MTUS2: variants seen among roughly 807,000 people sequenced by gnomAD.
MTUS2 encodes the protein microtubule associated scaffold protein 2.
MTUS2 carries 40 observed loss-of-function variants against 114.1 expected under a neutral mutation model. The observed-to-expected ratio is 0.35, with a 90% CI of 0.27 to 0.46. MTUS2 has a LOEUF of 0.46. Among genes scored for constraint, MTUS2 ranks in the 20% least tolerant of loss-of-function variants. The probability of loss-of-function intolerance (pLI) is 1.00; values close to 1 mark genes in which losing one functional copy is unlikely to be tolerated. For missense variants in MTUS2, 1,679 were observed against 1,705.4 expected (o/e 0.98, Z 0.27); for synonymous variants, 688 against 672.0 (o/e 1.02, Z -0.37).
At chr13:28,922,621 A>T (rs1261743345) in intron 2 of MTUS2, among the ~76,000 whole-genome samples, 1 of 152,114 alleles carries the variant, frequency 6.6e-6, no homozygotes, top group Non-Finnish European at 1.5e-5. Context: ...CATTGAGTTC[A>T]GTTTAATGTC....
At chr13:28,854,656 T>G (rs553389448) in intron 2 of MTUS2, among the ~76,000 whole-genome samples, 1 of 152,368 alleles carries the variant, frequency 6.6e-6, no homozygotes, top group East Asian at 1.9e-4. Flanking sequence ...AAAAGTTCCT[T>G]TGGTTTATCA....
At chr13:28,828,021 G>A (rs746532713) in intron 1 of MTUS2, among the ~76,000 whole-genome samples, 14 of 152,128 alleles carry the variant, frequency 9.2e-5, no homozygotes, top group African/African-American at 1.9e-4. Flanking sequence ...GAATTTCCTC[G>A]TCTTAATAAG....
chr13:28,980,805 G>A (rs1038432900), intron 2 of MTUS2, among the ~76,000 whole-genome samples: 1 of 152,064 alleles, frequency 6.6e-6, no homozygotes, highest in South Asian at 2.1e-4. Context: ...ACAGAATTTT[G>A]CTTTCTCACC....
rs566885680 is a variant in MTUS2 at position 28,943,574 on chromosome 13, C to T, written c.-242-80883C>T. 1.1e-4 allele frequency among the ~76,000 whole-genome samples: 16 copies of T among 152,186 alleles called. No homozygotes were observed. In the East Asian group the frequency reaches 2.7e-3, roughly 26 times the overall value. The stretch of plus-strand genomic sequence containing the variant: ...TCTGGACATTGTTGGGCAGGGCAGG[C>T]GATGGGTGACAGAGGTGGGCATTGC... On this transcript the variant is annotated intron_variant, in intron 2 of 15. Coordinates refer to ENST00000612955, the MANE Select transcript of MTUS2 (RefSeq NM_001033602.4).
At chr13:28,832,625 A>G (rs1019440901) in intron 1 of MTUS2, among the ~76,000 whole-genome samples, 10 of 148,818 alleles carry the variant, frequency 6.7e-5, no homozygotes, top group Non-Finnish European at 1.2e-4. Context: ...AGTATGCTAA[A>G]TATATAAATA....
chr13:28,893,471 A>G (rs893065972), intron 2 of MTUS2, among the ~76,000 whole-genome samples: 6 of 152,200 alleles, frequency 3.9e-5, no homozygotes, highest in African/African-American at 7.2e-5. Context: ...AGGTAAAGCC[A>G]TTGGTCAACT....
At position 29,495,390 on chromosome 13, in the gene MTUS2, T is replaced by C. The variant is rs537955922; in HGVS notation, c.3580-1848T>C. Reference sequence around the variant, plus strand: ...AAAAAAAAAAAAAAAAGGAAGTAACTGGAAAAGAGAACAAAAAAGAGGAAA... The same window carrying C: ...AAAAAAAAAAAAAAAAGGAAGTAACCGGAAAAGAGAACAAAAAAGAGGAAA... On this transcript the variant is annotated intron_variant, in intron 12 of 15. Coordinates refer to ENST00000612955, the MANE Select transcript of MTUS2 (RefSeq NM_001033602.4). Among the ~76,000 whole-genome samples, 13 of 136,378 alleles carry C rather than the reference T, an allele frequency of 9.5e-5. No individual in the cohort carries two copies. In the South Asian group the frequency reaches 1.4e-3, roughly 15 times the overall value. The allele number at this position is 136,378 out of a possible 152,430, so 89.5% of individuals were successfully genotyped here. A position where few individuals can be genotyped will look rare whatever the true frequency, so the allele number is the denominator to read the frequency against.
At chr13:29,450,198 A>G (rs1878589432) in intron 9 of MTUS2, among the ~76,000 whole-genome samples, 1 of 152,180 alleles carries the variant, frequency 6.6e-6, no homozygotes, top group East Asian at 1.9e-4. Flanking sequence ...TTTGGCCAGA[A>G]CTAAGTCACA....
Position 29,496,886 on chromosome 13 carries a change from C to G in MTUS2, c.3580-352C>G, listed in dbSNP as rs1026755925. 6.6e-6 allele frequency among the ~76,000 whole-genome samples: 1 copy of G among 152,102 alleles called. No homozygotes were observed. Among genetic ancestry groups the G allele is most frequent in the Non-Finnish European group, 1.5e-5 (1 of 68,024 alleles). The stretch of plus-strand genomic sequence containing the variant: ...TGAAATACATTCATCGCGGTCCTTC[C>G]CAAAGCCAGGGGCTAGGTGCCTCCT... On this transcript the variant is annotated intron_variant, in intron 12 of 15. Transcript: ENST00000612955. This position sits in a 1 kb window ranked among gnomAD's most constrained non-coding sequence, Gnocchi z 4.3.
chr13:29,141,305 G>A (rs1892209325), intron 5 of MTUS2, among the ~76,000 whole-genome samples: 1 of 152,176 alleles, frequency 6.6e-6, no homozygotes, highest in Non-Finnish European at 1.5e-5. Context: ...TTGCCCAGGA[G>A]CACAAGAGAG....
intron 2 of MTUS2, among the ~76,000 whole-genome samples, chr13:29,014,965 C>T (rs898671809): frequency 2.6e-5 from 4 of 152,196 alleles, no homozygotes; most frequent in Non-Finnish European, 5.9e-5. Context: ...AGGAACAAAC[C>T]ACTGATGGAC....
At chr13:29,046,779 C>T (rs565556925) in intron 4 of MTUS2, among the ~76,000 whole-genome samples, 8 of 152,250 alleles carry the variant, frequency 5.3e-5, no homozygotes, top group South Asian at 2.1e-4. Context: ...CTAGGCACGC[C>T]GCAGTACCAG....
chr13:29,475,379 A>C (rs1255137624), intron 9 of MTUS2, among the ~76,000 whole-genome samples: 1 of 152,264 alleles, frequency 6.6e-6, no homozygotes, highest in African/African-American at 2.4e-5. Flanking sequence ...TTACTATGCT[A>C]TATTTTTATA....
intron 5 of MTUS2, among the ~76,000 whole-genome samples, chr13:29,256,133 T>C (rs1031313138): frequency 2.6e-5 from 4 of 152,212 alleles, no homozygotes; most frequent in African/African-American, 9.7e-5. Flanking sequence ...ACTGGAGTAT[T>C]AGCATAATAC....
intron 8 of MTUS2, among the ~76,000 whole-genome samples, chr13:29,414,482 AAAAAAG>A (rs1208779225): frequency 2.0e-5 from 3 of 150,784 alleles, no homozygotes; most frequent in African/African-American, 7.3e-5. Flanking sequence ...AAAAAAAAAA[AAAAAAG>A]AAGACTGTAG....
At chr13:29,423,360 G>A (rs1304065595) in intron 8 of MTUS2, among the ~76,000 whole-genome samples, 1 of 152,300 alleles carries the variant, frequency 6.6e-6, no homozygotes, top group Non-Finnish European at 1.5e-5. Context: ...AATTGTCATT[G>A]CCAGCTAGAA....
chr13:29,307,337 CTG>C (rs1231568808), intron 6 of MTUS2: 2 of 702,626 alleles, frequency 2.8e-6, no homozygotes, highest in African/African-American at 1.7e-5. Context: ...ACCCAGAAGA[CTG>C]TGGATGGACC....
chr13:29,179,088 T>G (rs942976318), intron 5 of MTUS2, among the ~76,000 whole-genome samples: 2 of 152,218 alleles, frequency 1.3e-5, no homozygotes, highest in Non-Finnish European at 2.9e-5. Flanking sequence ...TGTAGAGCAC[T>G]TTATTTGTGT....
chr13:29,281,517 T>C (rs1212206337), intron 5 of MTUS2, among the ~76,000 whole-genome samples, 187 bp from the exon 6 acceptor site: 1 of 152,034 alleles, frequency 6.6e-6, no homozygotes, highest in Non-Finnish European at 1.5e-5. Context: ...CAGATATTTA[T>C]GCAGTGACTA....
Sources: allele counts gnomAD v4.1 joint callset (sites outside exome capture counted in the v4.1 genomes callset), GRCh38; gene constraint gnomAD v4.1.1; non-coding constraint Gnocchi (gnomAD v3.1); transcripts MANE v1.5; gene names NCBI Gene and HGNC (gene_info 2026-07-23, HGNC 2026-07-21).